Variants in LATS2 observed in about 807,000 individuals in gnomAD.
LATS2 encodes large tumor suppressor kinase 2.
A neutral mutation model predicts 76.0 loss-of-function variants in LATS2; 24 were observed. The ratio of observed to expected loss-of-function variants is 0.32; its 90% CI spans 0.23 to 0.44. LATS2 has a LOEUF of 0.44. Among genes scored for constraint, LATS2 ranks in the 20% least tolerant of loss-of-function variants. The pLI is 1.00. For missense variants in LATS2, 1,286 were observed against 1,481.2 expected (o/e 0.87, Z 2.16); for synonymous variants, 692 against 635.4 (o/e 1.09, Z -1.34).
intron 2 of LATS2, among the ~76,000 whole-genome samples, chr13:21,043,610 A>G (rs967909310): frequency 2.6e-5 from 4 of 152,208 alleles, no homozygotes; most frequent in Admixed American, 6.5e-5. Context: ...AATATGGTAA[A>G]TGGAGGCCTT....
intron 2 of LATS2, among the ~76,000 whole-genome samples, chr13:21,035,552 C>G (rs1356134432): frequency 1.3e-5 from 2 of 152,176 alleles, no homozygotes; most frequent in Admixed American, 1.3e-4. Flanking sequence ...CAAAAACCAT[C>G]AATCTAGACT....
At position 20,988,545 on chromosome 13, in the gene LATS2, T is replaced by C; in HGVS notation, c.1235A>G (p.His412Arg). Residue 412 changes from histidine to arginine, a missense_variant, in exon 4 of 8, where the codon CAC (histidine) becomes CGC (arginine). Physicochemically the swap from His to Arg is conservative, Grantham distance 29. Coordinates refer to ENST00000382592, the MANE Select transcript of LATS2 (RefSeq NM_014572.3). ...VPSRTNSFNSHQPRPGPPGKA... is the reference protein window; with the variant it reads ...VPSRTNSFNSRQPRPGPPGKA... Reference sequence around the variant, plus strand: ...GCCAGGCGGACCGGGCCGCGGCTGGTGGCTGTTGAAGGAGTTGGTCCTGCT... The same window carrying C: ...GCCAGGCGGACCGGGCCGCGGCTGGCGGCTGTTGAAGGAGTTGGTCCTGCT... The C allele has an allele frequency of 6.3e-7, 1 of 1,579,626 alleles. No individual in the cohort carries two copies. The highest frequency in any genetic ancestry group is 1.3e-5 in the African/African-American group (1 of 74,544).
At position 20,989,253 on chromosome 13, in the gene LATS2, G is replaced by A. The variant is rs1231214682; in HGVS notation, c.527C>T (p.Thr176Ile). 4 of 1,614,022 alleles carry A rather than the reference G, an allele frequency of 2.5e-6. No homozygotes were observed. The highest frequency in any genetic ancestry group is 1.1e-5 in the South Asian group (1 of 91,092). The change falls in exon 4 of 8, where the codon ACC (threonine) becomes ATC (isoleucine). Residue 176 changes from threonine to isoleucine, a missense_variant. By Grantham distance (89) the Thr-to-Ile change is moderately conservative (BLOSUM62 -1). Coordinates refer to ENST00000382592, the MANE Select transcript of LATS2 (RefSeq NM_014572.3). Reference protein sequence around the residue: ...PVTRRPSFEGTGDSFASYHQL... With the variant: ...PVTRRPSFEGIGDSFASYHQL... ...GTGGTAGGACGCAAACGAATCGCCG[G>A]TTCCTTCGAAGCTGGGCCTCCGCGT... is the stretch of plus-strand genomic sequence containing the variant.
At chr13:21,042,992 A>AC (rs1872936211) in intron 2 of LATS2, among the ~76,000 whole-genome samples, 4 of 127,306 alleles carry the variant, frequency 3.1e-5, no homozygotes, top group Non-Finnish European at 7.5e-5. Flanking sequence ...TCAAAAAAAA[A>AC]ACCAAAAAAC....
At chr13:20,980,693 C>T (rs767708795) in intron 6 of LATS2, among the ~76,000 whole-genome samples, 10 of 152,284 alleles carry the variant, frequency 6.6e-5, no homozygotes, top group East Asian at 5.8e-4. Flanking sequence ...CTCTCAAGGT[C>T]GTTATTGCTA....
At chr13:21,056,370 C>CG (rs1199799335) in intron 1 of LATS2, among the ~76,000 whole-genome samples, 3 of 152,048 alleles carry the variant, frequency 2.0e-5, no homozygotes, top group South Asian at 2.1e-4. Context: ...CTTACAGTCT[C>CG]GGGGAAAAAG....
chr13:21,038,651 T>C (rs778494526), intron 2 of LATS2: 9 of 152,194 alleles, frequency 5.9e-5, no homozygotes, highest in Non-Finnish European at 8.8e-5. Context: ...GCTATGACAC[T>C]GCCACTGTGC....
At chr13:20,993,428 A>G (rs1488736563) in intron 2 of LATS2, among the ~76,000 whole-genome samples, 1 of 152,162 alleles carries the variant, frequency 6.6e-6, no homozygotes, top group East Asian at 1.9e-4. Flanking sequence ...AGCACAAAAA[A>G]CACAGGCTGT....
intron 2 of LATS2, among the ~76,000 whole-genome samples, chr13:21,028,479 T>C (rs1872399900): frequency 6.6e-6 from 1 of 152,232 alleles, no homozygotes; most frequent in Non-Finnish European, 1.5e-5. Flanking sequence ...TGATCAGCAA[T>C]GCTTTGCAGT....
At chr13:20,992,695 G>A (rs143588109) in intron 2 of LATS2, among the ~76,000 whole-genome samples, 16 of 152,228 alleles carry the variant, frequency 1.1e-4, no homozygotes, top group African/African-American at 3.9e-4. Flanking sequence ...AATGTAGAAC[G>A]GGGAGCTCCG....
intron 7 of LATS2, among the ~76,000 whole-genome samples, chr13:20,977,257 T>G (rs1421050006): frequency 1.3e-5 from 2 of 151,844 alleles, no homozygotes; most frequent in Non-Finnish European, 2.9e-5. Context: ...TTAGCTGGTG[T>G]TGTGGCAGGC....
intron 7 of LATS2, among the ~76,000 whole-genome samples, chr13:20,978,148 C>G (rs779162360): frequency 1.3e-5 from 2 of 152,138 alleles, no homozygotes; most frequent in Admixed American, 6.5e-5. Flanking sequence ...ATCTCCTGAC[C>G]TCGTAATCTG....
At chr13:20,994,326 T>C (rs990832326) in intron 2 of LATS2, among the ~76,000 whole-genome samples, 9 of 152,236 alleles carry the variant, frequency 5.9e-5, no homozygotes, top group Non-Finnish European at 1.0e-4. Context: ...AGCAAGTAAG[T>C]ACTTCCTATC....
At position 20,989,319 on chromosome 13, in the gene LATS2, A is replaced by T. The variant is rs780829531; in HGVS notation, c.476-15T>A. 3.7e-6 allele frequency: 6 copies of T among 1,613,240 alleles called. No homozygotes were observed. In the South Asian group the frequency reaches 5.5e-5, roughly 15 times the overall value. On this transcript the variant is annotated splice_polypyrimidine_tract_variant and intron_variant, in intron 3 of 7. Transcript: ENST00000382592. Reference sequence around the variant, plus strand: ...GAGCCCCTTTCCTGCAGTGGAAAAAACAGGAAGACAGCATCAGAGTGGGTG... The same window carrying T: ...GAGCCCCTTTCCTGCAGTGGAAAAATCAGGAAGACAGCATCAGAGTGGGTG...
In LATS2 at chr13:20,988,568, G is replaced by C. The variant is rs549012624; in HGVS notation, c.1212C>G (p.Ser404Arg). Reference protein sequence around the residue: ...VAFRPDCPVPSRTNSFNSHQP... With the variant: ...VAFRPDCPVPRRTNSFNSHQP... ...GGTGGCTGTTGAAGGAGTTGGTCCT[G>C]CTGGGCACTGGGCAGTCAGGCCGGA... Residue 404 changes from serine (S) to arginine (R), a missense_variant, in exon 4 of 8, where the codon AGC becomes AGG. By Grantham distance (110) the Ser-to-Arg change is moderately radical. This residue lies in a region of LATS2 where 710 missense variants were observed against 660.9 expected (regional missense o/e 1.07). Transcript: ENST00000382592. 6.3e-7 allele frequency: 1 copy of C among 1,586,122 alleles called. No homozygotes were observed. Among genetic ancestry groups the C allele is most frequent in the South Asian group, 1.1e-5 (1 of 89,466 alleles).
intron 4 of LATS2, among the ~76,000 whole-genome samples, chr13:20,987,152 G>A (rs918196005): frequency 2.4e-4 from 36 of 152,076 alleles, no homozygotes; most frequent in Non-Finnish European, 1.2e-4. Context: ...CCAAGATCGC[G>A]CCATTGCGCT....
At position 20,975,225 on chromosome 13, in the gene LATS2, G is replaced by C. The variant is rs1869548865; in HGVS notation, c.2912C>G (p.Pro971Arg). 16 of 1,614,116 alleles carry C rather than the reference G, an allele frequency of 9.9e-6. No individual in the cohort carries two copies. Among genetic ancestry groups the C allele is most frequent in the African/African-American group, 1.3e-5 (1 of 74,948 alleles). Residue 971 changes from proline to arginine, a missense_variant, in exon 8 of 8, where the codon CCC becomes CGC. By Grantham distance (103) the Pro-to-Arg change is moderately radical. Transcript: ENST00000382592. ...RNGADDLKAHPFFSAIDFSSD... is the reference protein window; with the variant it reads ...RNGADDLKAHRFFSAIDFSSD... Reference sequence around the variant, plus strand: ...GGAGAAGTCAATGGCGCTGAAGAAGGGGTGGGCCTTCAGGTCATCGGCCCC... The same window carrying C: ...GGAGAAGTCAATGGCGCTGAAGAAGCGGTGGGCCTTCAGGTCATCGGCCCC...
Position 21,045,840 on chromosome 13 carries a change from G to T in LATS2, c.187C>A (p.Gln63Lys). The change falls in exon 2 of 8, where the codon CAG (glutamine) becomes AAG (lysine). Residue 63 changes from glutamine to lysine, a missense_variant. By Grantham distance (53) the Gln-to-Lys change is moderately conservative. This residue lies in a region of LATS2 where 101 missense variants were observed against 141.4 expected (regional missense o/e 0.71). Transcript: ENST00000382592. ...GSKDATRQQQ[Q>K]MRATPKFGPY... is the part of the protein sequence containing the mutation. Reference sequence around the variant, plus strand: ...CCGAACTTTGGGGTGGCTCTCATCTGCTGCTGCTGCCTGGTGGCATCTTTG... The same window carrying T: ...CCGAACTTTGGGGTGGCTCTCATCTTCTGCTGCTGCCTGGTGGCATCTTTG... The T allele has an allele frequency of 6.2e-7, 1 of 1,614,038 alleles. No homozygotes were observed. Among genetic ancestry groups the T allele is most frequent in the Non-Finnish European group, 8.5e-7 (1 of 1,179,902 alleles).
intron 2 of LATS2, among the ~76,000 whole-genome samples, chr13:21,042,030 C>G (rs1457003683): frequency 6.6e-6 from 1 of 152,152 alleles, no homozygotes; most frequent in Non-Finnish European, 1.5e-5. Context: ...ATGCCAATAA[C>G]TATCCAATGC....
Sources: allele counts gnomAD v4.1 joint callset (sites outside exome capture counted in the v4.1 genomes callset), GRCh38; gene constraint gnomAD v4.1.1; regional missense constraint gnomAD v4.1.1; transcripts MANE v1.5; gene names NCBI Gene and HGNC (gene_info 2026-07-23, HGNC 2026-07-21).